The following PLEKHG4B variants were observed in gnomAD, a reference collection of about 807,000 sequenced individuals.
PLEKHG4B encodes pleckstrin homology domain-containing family G member 4B.
In PLEKHG4B, 111 loss-of-function variants were observed where a neutral mutation model predicts 121.3. The ratio of observed to expected loss-of-function variants is 0.92; its 90% CI spans 0.78 to 1.07. PLEKHG4B has a LOEUF of 1.07. Ranked by LOEUF, PLEKHG4B falls within the 50% of genes least tolerant of loss-of-function variation. The pLI is 0.00. For missense variants in PLEKHG4B, 1,831 were observed against 1,757.8 expected, an observed-to-expected ratio of 1.04 and a Z score of -0.74; for synonymous variants, 738 against 725.0, an observed-to-expected ratio of 1.02 and a Z score of -0.29.
In PLEKHG4B at chr5:140,247, G is replaced by T; in HGVS notation, c.1008G>T (p.Arg336Ser). The T allele has an allele frequency of 6.9e-7, 1 of 1,447,232 alleles. No individual in the cohort carries two copies. The allele number at this position is 1,447,232 out of a possible 1,614,324, so 89.6% of individuals were successfully genotyped here. The change falls in exon 3 of 20, where the codon AGG becomes AGT. Residue 336 changes from arginine (R) to serine (S), a missense_variant. Physicochemically the swap from Arg to Ser is moderately radical, Grantham distance 110 (BLOSUM62 -1). Transcript: ENST00000637938. ...FHTDLGIPSS[R>S]RRPPGDPTCV... ...CAGACCTGGGCATCCCGAGCAGCAG[G>T]AGGCGGCCGCCGGGGGACCCCACTT...
rs979860938 is a variant in PLEKHG4B at position 186,220 on chromosome 5, C to G, written c.*3897C>G. On this transcript the variant is annotated 3_prime_UTR_variant, in exon 20 of 20. Coordinates refer to ENST00000637938, the MANE Select transcript of PLEKHG4B (RefSeq NM_052909.5). ...GCCCACCGAGTTACGTCCACACCAG[C>G]TGGCCCTGGGCACCTCTCTCTCTGG... is the stretch of plus-strand genomic sequence containing the variant. 1.3e-5 allele frequency: 2 copies of G among 152,230 alleles called. No individual in the cohort carries two copies. The highest frequency in any genetic ancestry group is 2.9e-5 in the Non-Finnish European group (2 of 68,052). The allele number at this position is 152,230 out of a possible 1,614,324, so 9.4% of individuals were successfully genotyped here. A position where few individuals can be genotyped will look rare whatever the true frequency, so the allele number is the denominator to read the frequency against.
rs1735936424 is a variant in PLEKHG4B at position 159,955 on chromosome 5, T to A, written c.2488-1828T>A. On this transcript the variant is annotated intron_variant, in intron 11 of 19. Transcript: ENST00000637938. The surrounding 1 kb of genome is among the most constrained non-coding windows in gnomAD (Gnocchi z 5.5). The stretch of plus-strand genomic sequence containing the variant: ...GCTGCTCTCTGCCCACCGTGCTGAG[T>A]GTTACGCCTTGGAAGATGCTTGCAG... 6.6e-6 allele frequency among the ~76,000 whole-genome samples: 1 copy of A among 152,126 alleles called. No homozygotes were observed. Among genetic ancestry groups the A allele is most frequent in the Non-Finnish European group, 1.5e-5 (1 of 68,016 alleles).
intron 1 of PLEKHG4B, among the ~76,000 whole-genome samples, chr5:108,659 G>T (rs1302548533): frequency 7.1e-6 from 1 of 140,938 alleles, no homozygotes; most frequent in Non-Finnish European, 1.5e-5. Context: ...GCTGGGTGTA[G>T]ACAGACTGGG....
intron 3 of PLEKHG4B, among the ~76,000 whole-genome samples, chr5:141,874 C>T (rs1373834065): frequency 6.6e-6 from 1 of 152,004 alleles, no homozygotes; most frequent in Non-Finnish European, 1.5e-5. Context: ...TCCGTGGGCT[C>T]CCCCCGCGGT....
Position 143,045 on chromosome 5 carries a change from A to G in PLEKHG4B, c.1478-2A>G. The G allele has an allele frequency of 6.2e-7, 1 of 1,613,128 alleles. No homozygotes were observed. Among genetic ancestry groups the G allele is most frequent in the Non-Finnish European group, 8.5e-7 (1 of 1,179,756 alleles). ...TTGACACGGCCTCTTTCCTTTGTCC[A>G]GACGTTCTTGCATCCTCAGCCTGTG... On this transcript the variant is annotated splice_acceptor_variant, in intron 3 of 19. Transcript: ENST00000637938. LOFTEE classifies it high-confidence loss of function.
Position 113,549 on chromosome 5 carries a change from G to C in PLEKHG4B, c.243+101G>C, listed in dbSNP as rs1036893131. 1 of 398,334 alleles carries C rather than the reference G, an allele frequency of 2.5e-6. No individual in the cohort carries two copies. 24.7% of individuals were successfully genotyped at this position (398,334 alleles called of 1,614,324 possible). ...TTGGGCCCATCAGGGCACTGGCTCA[G>C]TTCTTTCCTCTGGCTTCTGGCTCCT... On this transcript the variant is annotated intron_variant, in intron 2 of 19. Transcript: ENST00000637938. The surrounding 1 kb of genome is among the most constrained non-coding windows in gnomAD (Gnocchi z 5.2).
At chr5:134,092 T>G (rs1223031310) in intron 2 of PLEKHG4B, among the ~76,000 whole-genome samples, 1 of 112,296 alleles carries the variant, frequency 8.9e-6, no homozygotes, top group East Asian at 2.6e-4. Context: ...TATATATATA[T>G]ATATATATAT....
Position 163,388 on chromosome 5 carries a change from G to C in PLEKHG4B, c.3316G>C (p.Val1106Leu). The C allele has an allele frequency of 6.2e-7, 1 of 1,613,146 alleles. No homozygotes were observed. Residue 1106 changes from valine to leucine, a missense_variant, in exon 13 of 20, where the codon GTC becomes CTC. Coordinates refer to ENST00000637938, the MANE Select transcript of PLEKHG4B (RefSeq NM_052909.5). ...RDSCQPDHTSVFSKGLEVTST... is the reference protein window; with the variant it reads ...RDSCQPDHTSLFSKGLEVTST... The stretch of plus-strand genomic sequence containing the variant: ...CTCCTGCCAGCCAGACCATACTAGT[G>C]TCTTCAGCAAGGGCCTGGAGGTAAC...
At chr5:108,139 G>C (rs1175190288) in intron 1 of PLEKHG4B, among the ~76,000 whole-genome samples, 4 of 152,184 alleles carry the variant, frequency 2.6e-5, no homozygotes. Flanking sequence ...TTTCAGGGGA[G>C]TAAGACATTT....
chr5:129,247 A>C (rs753153052), intron 2 of PLEKHG4B, among the ~76,000 whole-genome samples: 4 of 152,202 alleles, frequency 2.6e-5, no homozygotes, highest in Non-Finnish European at 5.9e-5. Context: ...ATTTGCCATC[A>C]TTCTCACTGA....
intron 6 of PLEKHG4B, among the ~76,000 whole-genome samples, chr5:147,697 T>C (rs1735464424): frequency 2.0e-5 from 3 of 152,192 alleles, no homozygotes; most frequent in Admixed American, 2.0e-4. Flanking sequence ...ATTGACTTTT[T>C]CAAAAGAAAT....
At chr5:116,480 A>G (rs992273619) in intron 2 of PLEKHG4B, among the ~76,000 whole-genome samples, 3 of 152,246 alleles carry the variant, frequency 2.0e-5, no homozygotes, top group African/African-American at 7.2e-5. Flanking sequence ...GCAGAGCTCA[A>G]TCAGCTGGAA....
intron 1 of PLEKHG4B, among the ~76,000 whole-genome samples, chr5:105,044 A>G (rs1391740042): frequency 2.6e-5 from 4 of 152,052 alleles, no homozygotes; most frequent in Non-Finnish European, 5.9e-5. Flanking sequence ...AAGGTGGAAA[A>G]ACAGTGCACA....
At chr5:96,723 T>C (rs1035141245) in intron 1 of PLEKHG4B, among the ~76,000 whole-genome samples, 1 of 152,128 alleles carries the variant, frequency 6.6e-6, no homozygotes, top group Non-Finnish European at 1.5e-5. Flanking sequence ...CAGTGACCAC[T>C]CATGCCTCCA....
At chr5:160,133 T>C (rs1232871533) in intron 11 of PLEKHG4B, among the ~76,000 whole-genome samples, 1 of 152,234 alleles carries the variant, frequency 6.6e-6, no homozygotes, top group African/African-American at 2.4e-5. Context: ...GTGGGAAAAT[T>C]AGAAACAAAT....
Position 140,637 on chromosome 5 carries a change from T to A in PLEKHG4B, c.1398T>A (p.Pro466=). The change falls in exon 3 of 20, where the codon CCT becomes CCA. Residue 466 remains proline (P), a synonymous_variant. Coordinates refer to ENST00000637938, the MANE Select transcript of PLEKHG4B (RefSeq NM_052909.5). The part of the protein sequence containing the change: ...HTSHHSAGSR[P]GGHLGGQAVG... ...CCCACCACTCAGCAGGCTCCAGGCCTGGGGGCCACCTAGGAGGACAAGCTG... is the reference window on the plus strand; with the variant it reads ...CCCACCACTCAGCAGGCTCCAGGCCAGGGGGCCACCTAGGAGGACAAGCTG... The A allele has an allele frequency of 1.2e-6, 2 of 1,609,400 alleles. No individual in the cohort carries two copies. Among genetic ancestry groups the A allele is most frequent in the Non-Finnish European group, 1.7e-6 (2 of 1,178,076 alleles).
chr5:164,557 G>T (rs1235137025), intron 13 of PLEKHG4B, among the ~76,000 whole-genome samples: 1 of 114,334 alleles, frequency 8.7e-6, no homozygotes, highest in Non-Finnish European at 1.7e-5. Flanking sequence ...ACACAGTAAT[G>T]CTCTGACAGG....
rs200394147 is a variant in PLEKHG4B at position 143,511 on chromosome 5, G to A, written c.1811+8G>A. ...CTTCCATAGCATCCCCAGGTGGGAC[G>A]GGGGGCAAGGCCGCACCCTGCAGAC... On this transcript the variant is annotated splice_region_variant and intron_variant, in intron 5 of 19. Transcript: ENST00000637938. The A allele has an allele frequency of 7.9e-5, 127 of 1,612,356 alleles. 1 individual carries two copies. Among genetic ancestry groups the A allele is most frequent in the Non-Finnish European group, 1.0e-4 (119 of 1,179,786 alleles).
chr5:109,747 C>T (rs897517142), intron 1 of PLEKHG4B, among the ~76,000 whole-genome samples: 2 of 152,230 alleles, frequency 1.3e-5, no homozygotes, highest in Admixed American at 6.5e-5. Flanking sequence ...TTTCGGACAC[C>T]GTCTTCCATT....
Sources: allele counts gnomAD v4.1 joint callset (sites outside exome capture counted in the v4.1 genomes callset), GRCh38; gene constraint gnomAD v4.1.1; non-coding constraint Gnocchi (gnomAD v3.1); transcripts MANE v1.5; gene names NCBI Gene and HGNC (gene_info 2026-07-23, HGNC 2026-07-21).